The following GGACT variants were observed in gnomAD, a reference collection of about 807,000 sequenced individuals.
GGACT encodes gamma-glutamylamine cyclotransferase.
For missense variants in GGACT, 241 were observed against 233.2 expected (o/e 1.03, Z -0.22); for synonymous variants, 118 against 115.3 (o/e 1.02, Z -0.15).
intron 2 of GGACT, among the ~76,000 whole-genome samples, chr13:100,578,157 C>T (rs1411391436): frequency 6.6e-6 from 1 of 152,216 alleles, no homozygotes; most frequent in African/African-American, 2.4e-5. Context: ...ACACCAAGTG[C>T]ACTCCTCTTT....
At chr13:100,575,231 T>C (rs2066014) in intron 2 of GGACT, among the ~76,000 whole-genome samples, 104,546 of 152,070 alleles carry the variant, frequency 0.69, 36,513 homozygotes, top group South Asian at 0.86. Flanking sequence ...ACGGGTGAGG[T>C]TTGAATTTAC....
At chr13:100,547,129 T>TCTG (rs1474722537) in intron 2 of GGACT, among the ~76,000 whole-genome samples, 2 of 152,184 alleles carry the variant, frequency 1.3e-5, no homozygotes, top group Non-Finnish European at 2.9e-5. Context: ...CAGTGCCGGC[T>TCTG]CTGCCACCTC....
At chr13:100,549,731 A>T (rs561195229) in intron 2 of GGACT, among the ~76,000 whole-genome samples, 22 of 152,356 alleles carry the variant, frequency 1.4e-4, no homozygotes, top group Admixed American at 1.2e-3. Context: ...CTACCTGGAG[A>T]TCATATAGCC....
At chr13:100,550,492 G>A (rs2088652813) in intron 2 of GGACT, among the ~76,000 whole-genome samples, 1 of 151,566 alleles carries the variant, frequency 6.6e-6, no homozygotes, top group East Asian at 1.9e-4. Context: ...GCCAGAAACC[G>A]CCGACAAAAG....
At chr13:100,535,958 C>T (rs2088486121) in intron 2 of GGACT, 1 of 152,154 alleles carries the variant, frequency 6.6e-6, no homozygotes, top group African/African-American at 2.4e-5. Flanking sequence ...CCAGGCCACC[C>T]TCATTCCTGT....
chr13:100,582,003 A>G (rs1875434106), intron 2 of GGACT, among the ~76,000 whole-genome samples: 1 of 152,218 alleles, frequency 6.6e-6, no homozygotes, highest in Non-Finnish European at 1.5e-5. Context: ...AAAACGTTGT[A>G]GTCCAGAAAA....
intron 2 of GGACT, among the ~76,000 whole-genome samples, chr13:100,546,107 T>TA (rs1448297487): frequency 2.0e-5 from 3 of 152,196 alleles, no homozygotes; most frequent in African/African-American, 7.2e-5. Flanking sequence ...ACGCCTGTAA[T>TA]GCCAGCACTT....
At chr13:100,551,275 C>G (rs897484988) in intron 2 of GGACT, among the ~76,000 whole-genome samples, 2 of 151,780 alleles carry the variant, frequency 1.3e-5, no homozygotes, top group Non-Finnish European at 2.9e-5. Flanking sequence ...CAGAGCGAGA[C>G]TCTGTCTCAA....
intron 2 of GGACT, among the ~76,000 whole-genome samples, chr13:100,548,906 G>A (rs2088632649): frequency 6.6e-6 from 1 of 152,272 alleles, no homozygotes; most frequent in Admixed American, 6.5e-5. Flanking sequence ...ACATTGTGGA[G>A]CAGAATAAAT....
intron 2 of GGACT, chr13:100,536,420 A>G (rs2088492877): frequency 1.3e-5 from 2 of 150,018 alleles, no homozygotes; most frequent in African/African-American, 4.9e-5. Flanking sequence ...CTCCAGGTCT[A>G]TATTATATTC....
intron 2 of GGACT, among the ~76,000 whole-genome samples, chr13:100,572,926 G>A (rs1189793248): frequency 6.6e-6 from 1 of 151,954 alleles, no homozygotes; most frequent in African/African-American, 2.4e-5. Flanking sequence ...AGCTGCTAAA[G>A]GAAAAAAATA....
At chr13:100,550,339 C>CCACTTTT (rs2088649307) in intron 2 of GGACT, among the ~76,000 whole-genome samples, 1 of 125,684 alleles carries the variant, frequency 8.0e-6, no homozygotes, top group Non-Finnish European at 1.7e-5. Context: ...CACACACACA[C>CCACTTTT]ACACACACAC....
intron 2 of GGACT, among the ~76,000 whole-genome samples, chr13:100,567,117 A>G (rs1874911021): frequency 6.6e-6 from 1 of 152,200 alleles, no homozygotes. Flanking sequence ...CAGACACCAT[A>G]TGATTTCAAC....
chr13:100,568,226 G>A (rs1874967106), intron 2 of GGACT, among the ~76,000 whole-genome samples: 1 of 152,144 alleles, frequency 6.6e-6, no homozygotes. Flanking sequence ...TGCTGTCAGG[G>A]GTTACTGAAG....
Position 100,532,175 on chromosome 13 carries a change from G to C in GGACT, c.417C>G (p.Ser139=), listed in dbSNP as rs1466741585. The change falls in exon 3 of 3, where the codon TCC becomes TCG. Residue 139 remains serine (S), a synonymous_variant. Coordinates refer to ENST00000683975, the MANE Select transcript of GGACT (RefSeq NM_001195087.2). ...TGTAGCGCAGCCCGTGCGGCCCCTCGGAGTCGTAGCTGTCATGGTGCGGGA... is the reference window on the plus strand; with the variant it reads ...TGTAGCGCAGCCCGTGCGGCCCCTCCGAGTCGTAGCTGTCATGGTGCGGGA... ...AQLPHHDSYD[S]EGPHGLRYNP... 6.8e-7 allele frequency: 1 copy of C among 1,463,070 alleles called. No individual in the cohort carries two copies. 90.6% of individuals were successfully genotyped at this position (1,463,070 alleles called of 1,614,324 possible).
intron 2 of GGACT, among the ~76,000 whole-genome samples, chr13:100,547,020 T>C (rs1364520908): frequency 6.6e-6 from 1 of 152,234 alleles, no homozygotes; most frequent in Non-Finnish European, 1.5e-5. Context: ...AGAGGCACGA[T>C]GGGCCTTCAG....
intron 2 of GGACT, among the ~76,000 whole-genome samples, chr13:100,548,178 G>A (rs1035829157): frequency 1.3e-5 from 2 of 152,232 alleles, no homozygotes; most frequent in East Asian, 3.8e-4. Context: ...GGGAGGCCTG[G>A]GAATGCCACC....
At position 100,559,436 on chromosome 13, in the gene GGACT, C is replaced by A. The variant is rs773659117; in HGVS notation, c.-11+24389G>T. ...TCCTGACCTCAGGTGATCTACCCCC[C>A]TCGGCCTCCCAATGTGCTGGGATTA... On this transcript the variant is annotated intron_variant, in intron 2 of 2. Coordinates refer to ENST00000683975, the MANE Select transcript of GGACT (RefSeq NM_001195087.2). Among the ~76,000 whole-genome samples, 4 of 152,160 alleles carry A rather than the reference C, an allele frequency of 2.6e-5. No individual in the cohort carries two copies. The South Asian group carries it at 8.3e-4, about 32-fold the overall frequency.
intron 2 of GGACT, among the ~76,000 whole-genome samples, chr13:100,542,900 G>A (rs1222803167): frequency 1.3e-5 from 2 of 152,160 alleles, no homozygotes; most frequent in Non-Finnish European, 1.5e-5. Context: ...TTCTTGAAAC[G>A]CAGTCCGTCT....
Sources: allele counts gnomAD v4.1 joint callset (sites outside exome capture counted in the v4.1 genomes callset), GRCh38; gene constraint gnomAD v4.1.1; transcripts MANE v1.5; gene names NCBI Gene and HGNC (gene_info 2026-07-23, HGNC 2026-07-21).